PCDH9: variants seen among roughly 807,000 people sequenced by gnomAD.
PCDH9 encodes protocadherin 9.
PCDH9 carries 24 observed loss-of-function variants against 70.6 expected under a neutral mutation model. That is an observed-to-expected ratio of 0.34 (90% CI 0.25 to 0.48). The LOEUF is 0.48. Among genes scored for constraint, PCDH9 ranks in the 20% least tolerant of loss-of-function variants. PCDH9 has a pLI of 0.99. For missense variants in PCDH9, 1,281 were observed against 1,503.6 expected (o/e 0.85, Z 2.45); for synonymous variants, 562 against 558.5 (o/e 1.01, Z -0.09).
At chr13:66,434,736 C>G (rs148180247) in intron 4 of PCDH9, among the ~76,000 whole-genome samples, 18 of 152,100 alleles carry the variant, frequency 1.2e-4, no homozygotes, top group African/African-American at 4.1e-4. Flanking sequence ...TTGTAAGCTA[C>G]TTTCCAATGT....
chr13:67,179,089 C>A (rs2088544555), intron 2 of PCDH9, among the ~76,000 whole-genome samples: 1 of 152,004 alleles, frequency 6.6e-6, no homozygotes, highest in African/African-American at 2.4e-5. Context: ...GCTCAATAAA[C>A]ATTTGAAGAG....
At chr13:67,174,005 T>C (rs2985922) in intron 2 of PCDH9, among the ~76,000 whole-genome samples, 5,026 of 152,216 alleles carry the variant, frequency 0.033, 270 homozygotes, top group African/African-American at 0.11. Context: ...GATATTAAAG[T>C]TTATAATTAA....
At chr13:67,050,297 C>G (rs2085297334) in intron 2 of PCDH9, among the ~76,000 whole-genome samples, 1 of 152,090 alleles carries the variant, frequency 6.6e-6, no homozygotes, top group African/African-American at 2.4e-5. Context: ...TCTCCAAACA[C>G]TCCTGAGCAG....
intron 2 of PCDH9, among the ~76,000 whole-genome samples, chr13:66,956,340 A>T (rs988574824): frequency 6.6e-6 from 1 of 152,206 alleles, no homozygotes; most frequent in Non-Finnish European, 1.5e-5. Flanking sequence ...AATAGCCCCC[A>T]AGGTGACCTT....
chr13:66,690,533 C>G (rs1321464082), intron 3 of PCDH9, among the ~76,000 whole-genome samples: 9 of 151,844 alleles, frequency 5.9e-5, no homozygotes, highest in Non-Finnish European at 1.3e-4. Flanking sequence ...AGACACACTA[C>G]AAGGTTTAGT....
At chr13:67,045,508 T>G (rs1189240336) in intron 2 of PCDH9, among the ~76,000 whole-genome samples, 1 of 151,976 alleles carries the variant, frequency 6.6e-6, no homozygotes, top group African/African-American at 2.4e-5. Context: ...GATCACTTGG[T>G]TTCTAGCTTG....
chr13:66,343,014 T>G (rs1422540734), intron 4 of PCDH9, among the ~76,000 whole-genome samples: 2 of 151,962 alleles, frequency 1.3e-5, no homozygotes, highest in Non-Finnish European at 2.9e-5. Context: ...AGAGATCCCT[T>G]TTCATTTCCA....
intron 4 of PCDH9, among the ~76,000 whole-genome samples, chr13:66,541,031 T>A (rs1450376759): frequency 1.3e-5 from 2 of 152,180 alleles, no homozygotes; most frequent in African/African-American, 2.4e-5. Context: ...GGGTTACAAG[T>A]TTTGTCTAGA....
chr13:66,439,086 T>A (rs1957929175), intron 4 of PCDH9, among the ~76,000 whole-genome samples: 1 of 152,048 alleles, frequency 6.6e-6, no homozygotes, highest in East Asian at 1.9e-4. Flanking sequence ...TGACTCAGAA[T>A]GAGATTAAAT....
At chr13:67,018,876 T>C (rs1256519859) in intron 2 of PCDH9, among the ~76,000 whole-genome samples, 2 of 152,142 alleles carry the variant, frequency 1.3e-5, no homozygotes, top group Admixed American at 6.6e-5. Context: ...AAAACCATGA[T>C]ACAATTCTAG....
chr13:67,125,060 A>G (rs757834063), intron 2 of PCDH9, among the ~76,000 whole-genome samples: 1 of 152,228 alleles, frequency 6.6e-6, no homozygotes, highest in Non-Finnish European at 1.5e-5. Context: ...TGTTCAACTC[A>G]TGAAACTTCT....
At chr13:67,174,342 C>T (rs2088385537) in intron 2 of PCDH9, among the ~76,000 whole-genome samples, 1 of 151,948 alleles carries the variant, frequency 6.6e-6, no homozygotes, top group African/African-American at 2.4e-5. Flanking sequence ...TACATACATA[C>T]ATACAGACGA....
At chr13:67,205,034 CA>C (rs1473890536) in intron 2 of PCDH9, 1 of 152,164 alleles carries the variant, frequency 6.6e-6, no homozygotes, top group African/African-American at 2.4e-5. Context: ...CTTCTCTAAA[CA>C]TGACTCTTTA....
At chr13:66,775,779 G>C (rs982397401) in intron 3 of PCDH9, among the ~76,000 whole-genome samples, 1 of 152,076 alleles carries the variant, frequency 6.6e-6, no homozygotes, top group Non-Finnish European at 1.5e-5. Flanking sequence ...AGTGAAGTTT[G>C]GGGGGAGTCA....
At chr13:66,495,839 T>C (rs1456102845) in intron 4 of PCDH9, among the ~76,000 whole-genome samples, 1 of 152,142 alleles carries the variant, frequency 6.6e-6, no homozygotes, top group East Asian at 1.9e-4. Context: ...TACAATCCCA[T>C]TGTTTGTGCC....
chr13:66,747,078 G>A (rs565162451), intron 3 of PCDH9, among the ~76,000 whole-genome samples: 2 of 152,308 alleles, frequency 1.3e-5, no homozygotes, highest in South Asian at 4.1e-4. Flanking sequence ...CTGGCTGGGC[G>A]TGGTGGCCCA....
At position 66,503,869 on chromosome 13, in the gene PCDH9, T is replaced by C. The variant is rs193210694; in HGVS notation, c.3340+127341A>G. 2.3e-3 allele frequency among the ~76,000 whole-genome samples: 355 copies of C among 152,320 alleles called. 3 individuals are homozygous for C. The highest frequency in any genetic ancestry group is 8.2e-3 in the African/African-American group (342 of 41,568). On this transcript the variant is annotated intron_variant, in intron 4 of 4. Transcript: ENST00000377865. ...TTTGGGCCCCTGTTTCATGAATATA[T>C]ATAAGATCCTACCATATCAGCAAAA...
intron 3 of PCDH9, among the ~76,000 whole-genome samples, chr13:66,707,555 T>C (rs985476459): frequency 6.6e-6 from 1 of 152,214 alleles, no homozygotes; most frequent in Admixed American, 6.5e-5. Context: ...TGAGATTACA[T>C]AGGCGCTTCT....
chr13:66,925,397 T>C (rs1423821495), intron 2 of PCDH9, among the ~76,000 whole-genome samples: 1 of 151,892 alleles, frequency 6.6e-6, no homozygotes, highest in Non-Finnish European at 1.5e-5. Flanking sequence ...TCACTTAATA[T>C]TTTAAGAATT....
Sources: gnomAD v4.1 joint callset for allele counts (sites outside exome capture counted in the v4.1 genomes callset) on GRCh38, gnomAD v4.1.1 for gene constraint, MANE v1.5 for transcripts, NCBI Gene and HGNC (gene_info 2026-07-23, HGNC 2026-07-21) for gene names.